Variants in NDST1 observed in about 807,000 individuals in gnomAD.
NDST1 encodes bifunctional heparan sulfate N-deacetylase/N-sulfotransferase 1.
NDST1 carries 35 observed loss-of-function variants against 92.8 expected under a neutral mutation model. The ratio of observed to expected loss-of-function variants is 0.38; its 90% CI spans 0.29 to 0.50. The LOEUF is 0.50. Ranked by LOEUF, NDST1 falls within the 20% of genes least tolerant of loss-of-function variation. The pLI is 0.94. For synonymous variants in NDST1, 493 were observed against 500.3 expected, an observed-to-expected ratio of 0.99 and a Z score of 0.19; for missense variants, 822 against 1,182.7, an observed-to-expected ratio of 0.69 and a Z score of 4.47.
intron 8 of NDST1, among the ~76,000 whole-genome samples, chr5:150,540,918 C>T (rs554955977): frequency 6.6e-5 from 10 of 152,336 alleles, no homozygotes; most frequent in African/African-American, 2.4e-4. Context: ...TCTCTTCTAA[C>T]TCCAGCAGGC....
intron 8 of NDST1, among the ~76,000 whole-genome samples, chr5:150,540,926 G>A (rs911553696): frequency 1.3e-4 from 20 of 152,238 alleles, no homozygotes; most frequent in Admixed American, 8.5e-4. Flanking sequence ...AACTCCAGCA[G>A]GCTCTGAGTG....
At chr5:150,506,818 C>G (rs1057079705), upstream of NDST1, among the ~76,000 whole-genome samples, 1 of 152,192 alleles carries the variant, frequency 6.6e-6, no homozygotes, top group Non-Finnish European at 1.5e-5. Flanking sequence ...CAGGGACTGG[C>G]TGCTTTCATG....
rs540880493 is a variant in NDST1, at chr5:150,546,677, T to C, written c.2145+1191T>C. On this transcript the variant is annotated intron_variant, in intron 11 of 14. Transcript: ENST00000261797. The stretch of plus-strand genomic sequence containing the variant: ...GTTCCCACCCTGCTTTGAGGCTCTT[T>C]TCTCAGATGTGACAGTGGCTGTCTC... Among the ~76,000 whole-genome samples, 68 of 152,362 alleles carry C rather than the reference T, an allele frequency of 4.5e-4. 1 individual carries two copies. The highest frequency in any genetic ancestry group is 1.6e-3 in the African/African-American group (66 of 41,588).
At chr5:150,541,754 T>A in intron 9 of NDST1, 88 bp downstream of exon 9, 1 of 1,230,130 alleles carries the variant, frequency 8.1e-7, no homozygotes, top group Non-Finnish European at 1.2e-6. Context: ...CTGGCCCCAC[T>A]CCCGGATAAT....
chr5:150,509,488 A>G (rs776120125), intron 1 of NDST1, among the ~76,000 whole-genome samples: 1 of 152,068 alleles, frequency 6.6e-6, no homozygotes, highest in Non-Finnish European at 1.5e-5. Context: ...CTTCCTTAGC[A>G]TGAGGCCTCT....
At chr5:150,539,551 T>C in intron 7 of NDST1, 195 bp downstream of exon 7, 1 of 1,440,878 alleles carries the variant, frequency 6.9e-7, no homozygotes, top group Non-Finnish European at 9.1e-7. Flanking sequence ...GCATGCTTTT[T>C]TTTTCCTTTC....
chr5:150,503,535 C>T (rs1753321390), upstream of NDST1, among the ~76,000 whole-genome samples: 1 of 152,210 alleles, frequency 6.6e-6, no homozygotes, highest in African/African-American at 2.4e-5. Flanking sequence ...CTCACAGTGA[C>T]CCATGCAGGC....
chr5:150,500,670 C>T (rs1753189862), intron 1 of NDST1, among the ~76,000 whole-genome samples: 1 of 152,248 alleles, frequency 6.6e-6, no homozygotes, highest in South Asian at 2.1e-4. Flanking sequence ...CCCCTGGTAT[C>T]AGGCCCCACA....
intron 2 of NDST1, among the ~76,000 whole-genome samples, chr5:150,524,663 C>T (rs968178646): frequency 3.3e-5 from 5 of 152,292 alleles, no homozygotes; most frequent in South Asian, 2.1e-4. Flanking sequence ...ATGGCTTGTC[C>T]CGAATGACAT....
chr5:150,553,477 G>T lies in NDST1; in HGVS notation c.*145G>T. On this transcript the variant is annotated 3_prime_UTR_variant, in exon 15 of 15. Transcript: ENST00000261797. This position sits in a 1 kb window ranked among gnomAD's most constrained non-coding sequence, Gnocchi z 4.2. ...CTGTGGAGGTCTGGTGGGGCTGGGG[G>T]AGCACCCAGGCGGATCTGCAAGCAC... is the stretch of plus-strand genomic sequence containing the variant. The T allele has an allele frequency of 8.4e-7, 1 of 1,193,344 alleles. No individual in the cohort carries two copies. The highest frequency in any genetic ancestry group is 1.7e-5 in the Admixed American group (1 of 57,680). The allele number at this position is 1,193,344 out of a possible 1,614,324, so 73.9% of individuals were successfully genotyped here.
At chr5:150,545,244 G>C in intron 10 of NDST1, 68 bp from the exon 11 acceptor site, 1 of 1,573,810 alleles carries the variant, frequency 6.4e-7, no homozygotes, top group Non-Finnish European at 8.7e-7. Context: ...CCTCGCCCTT[G>C]TGCTGCATTC....
In NDST1 at chr5:150,535,892, G is replaced by A. The variant is rs1176340006; in HGVS notation, c.1437+7G>A. ...CATCCACAATGGCATCATGGTGAGT[G>A]GGCCCCTGGAAGCCCAGGAGGTGGG... On this transcript the variant is annotated splice_region_variant and intron_variant, in intron 6 of 14. Coordinates refer to ENST00000261797, the MANE Select transcript of NDST1 (RefSeq NM_001543.5). The A allele has an allele frequency of 1.9e-6, 3 of 1,612,384 alleles. No individual in the cohort carries two copies. The highest frequency in any genetic ancestry group is 2.5e-6 in the Non-Finnish European group (3 of 1,179,294).
At chr5:150,535,405 C>T in intron 5 of NDST1, 1 of 985,074 alleles carries the variant, frequency 1.0e-6, no homozygotes, top group African/African-American at 1.7e-5. Flanking sequence ...AGGAAAGGCC[C>T]TCGTCCTTGT....
rs138351588 is a variant in NDST1, at chr5:150,553,968, C to T, written c.*636C>T. The T allele has an allele frequency of 6.2e-4, 255 of 409,444 alleles. No individual in the cohort carries two copies. Among genetic ancestry groups the T allele is most frequent in the African/African-American group, 4.4e-3 (215 of 49,138 alleles). 25.4% of individuals were successfully genotyped at this position (409,444 alleles called of 1,614,324 possible). A position where few individuals can be genotyped will look rare whatever the true frequency, so the allele number is the denominator to read the frequency against. Reference sequence around the variant, plus strand: ...TATCCACTCCATCCTCAAGGCTTCCCGCAGGGCCTTGGGGCACTGCCTTGC... The same window carrying T: ...TATCCACTCCATCCTCAAGGCTTCCTGCAGGGCCTTGGGGCACTGCCTTGC... On this transcript the variant is annotated 3_prime_UTR_variant, in exon 15 of 15. Coordinates refer to ENST00000261797, the MANE Select transcript of NDST1 (RefSeq NM_001543.5). This position sits in a 1 kb window ranked among gnomAD's most constrained non-coding sequence, Gnocchi z 4.2.
intron 7 of NDST1, 66 bp downstream of exon 7, chr5:150,539,422 C>T (rs1452538064): frequency 1.2e-6 from 2 of 1,610,742 alleles, no homozygotes; most frequent in East Asian, 2.2e-5. Flanking sequence ...CTGCAGCTGA[C>T]ACAGGCTTCC....
At chr5:150,551,959 A>T (rs1755744000) in intron 14 of NDST1, 104 bp downstream of exon 14, 1 of 1,523,484 alleles carries the variant, frequency 6.6e-7, no homozygotes, top group Non-Finnish European at 8.9e-7. Context: ...CAGCATGTTC[A>T]TGGCCTTAGC....
intron 2 of NDST1, among the ~76,000 whole-genome samples, chr5:150,527,016 G>A (rs961802375): frequency 1.3e-5 from 2 of 152,342 alleles, no homozygotes; most frequent in East Asian, 3.9e-4. Context: ...GGCATATGGG[G>A]CACCCCCAGC....
In NDST1 at chr5:150,553,254, C is replaced by T. The variant is rs376369419; in HGVS notation, c.2571C>T (p.Ile857=). ...FLKDYYRDHN[I]ELSKLLYKMG... ...AGGACTATTACCGGGACCACAACAT[C>T]GAGCTCTCCAAGCTGCTGTATAAGA... is the stretch of plus-strand genomic sequence containing the variant. The change falls in exon 15 of 15, where the codon ATC becomes ATT. Residue 857 remains isoleucine, a synonymous_variant. Coordinates refer to ENST00000261797, the MANE Select transcript of NDST1 (RefSeq NM_001543.5). This position sits in a 1 kb window ranked among gnomAD's most constrained non-coding sequence, Gnocchi z 4.2. The T allele has an allele frequency of 1.5e-4, 244 of 1,613,842 alleles. No individual in the cohort carries two copies. Among genetic ancestry groups the T allele is most frequent in the South Asian group, 6.0e-4 (55 of 91,080 alleles).
intron 12 of NDST1, among the ~76,000 whole-genome samples, chr5:150,548,838 A>G (rs1233060260): frequency 6.6e-6 from 1 of 152,110 alleles, no homozygotes. Flanking sequence ...GCCTAAAAAG[A>G]CTGTAGACCT....
Sources: gnomAD v4.1 joint callset for allele counts (sites outside exome capture counted in the v4.1 genomes callset) on GRCh38, gnomAD v4.1.1 for gene constraint, Gnocchi (gnomAD v3.1) non-coding constraint, MANE v1.5 for transcripts, NCBI Gene and HGNC (gene_info 2026-07-23, HGNC 2026-07-21) for gene names.